The following AOPEP variants were observed in gnomAD, a reference collection of about 807,000 sequenced individuals.
AOPEP encodes the protein aminopeptidase O.
AOPEP carries 77 observed loss-of-function variants against 98.1 expected under a neutral mutation model. The observed-to-expected ratio is 0.78, with a 90% CI of 0.65 to 0.95. The LOEUF is 0.95. Among genes scored for constraint, AOPEP ranks in the 40% least tolerant of loss-of-function variants. AOPEP has a pLI of 0.00. For missense variants in AOPEP, 1,024 were observed against 1,024.7 expected, an observed-to-expected ratio of 1.00 and a Z score of 0.01; for synonymous variants, 346 against 365.3, an observed-to-expected ratio of 0.95 and a Z score of 0.60.
intron 1 of AOPEP, among the ~76,000 whole-genome samples, chr9:94,729,303 T>C (rs1397516819): frequency 4.6e-5 from 7 of 152,104 alleles, no homozygotes; most frequent in Admixed American, 2.6e-4. Context: ...CTGGGGGCAC[T>C]GTGGCTCACT....
chr9:94,875,482 A>AC (rs1001697200), intron 5 of AOPEP, among the ~76,000 whole-genome samples: 3 of 152,142 alleles, frequency 2.0e-5, no homozygotes, highest in African/African-American at 7.2e-5. Context: ...TACACAGAAA[A>AC]CAGAAGTAAG....
intron 12 of AOPEP, 24 bp downstream of exon 12, chr9:95,005,244 T>C (rs780279006): frequency 9.3e-7 from 1 of 1,071,334 alleles, no homozygotes; most frequent in South Asian, 4.4e-5. Flanking sequence ...GCGCGGTCCC[T>C]GCGCCCCGGT....
intron 7 of AOPEP, among the ~76,000 whole-genome samples, chr9:94,950,530 G>A (rs2058028126): frequency 6.6e-6 from 1 of 152,186 alleles, no homozygotes; most frequent in Admixed American, 6.5e-5. Context: ...GGGCTCAGAT[G>A]GGCACTGTTG....
intron 5 of AOPEP, among the ~76,000 whole-genome samples, chr9:94,813,873 C>A (rs1010363336): frequency 2.0e-5 from 3 of 152,184 alleles, no homozygotes; most frequent in Non-Finnish European, 4.4e-5. Flanking sequence ...ACTCGAGGGA[C>A]CTCCACCCTG....
chr9:94,861,224 T>C (rs891687731), intron 5 of AOPEP, among the ~76,000 whole-genome samples: 1 of 152,170 alleles, frequency 6.6e-6, no homozygotes, highest in African/African-American at 2.4e-5. Context: ...GGGAAGGATG[T>C]GGTTTGAGGG....
intron 13 of AOPEP, among the ~76,000 whole-genome samples, chr9:95,010,003 C>T (rs72621414): frequency 0.1 from 15,270 of 151,774 alleles, 872 homozygotes; most frequent in East Asian, 0.18. Context: ...CACTCTACTT[C>T]TATTTCATTT....
chr9:94,868,461 G>A (rs962136721), intron 5 of AOPEP, among the ~76,000 whole-genome samples: 3 of 152,196 alleles, frequency 2.0e-5, no homozygotes, highest in African/African-American at 7.2e-5. Flanking sequence ...AGGGTCCACT[G>A]GAATTCTTTG....
chr9:95,009,882 A>G lies in AOPEP; in HGVS notation c.2115+4266A>G, dbSNP rs577545332. Among the ~76,000 whole-genome samples the G allele has an allele frequency of 9.9e-4, 151 of 152,168 alleles. 1 individual carries two copies. Among genetic ancestry groups the G allele is most frequent in the Middle Eastern group, 3.4e-3 (1 of 292 alleles). On this transcript the variant is annotated intron_variant, in intron 13 of 16. Transcript: ENST00000375315. The stretch of plus-strand genomic sequence containing the variant: ...GAAAAGTATAGACTTTATAGTATCT[A>G]GTGGGCATTTTCATTGAGCCCAAAT...
the AOPEP span, chr9:95,101,955 T>C: frequency 5.5e-6 from 7 of 1,281,368 alleles, no homozygotes; most frequent in South Asian, 8.7e-5. Flanking sequence ...AGAAGCCCTA[T>C]CCAGCATTTC....
downstream of AOPEP, among the ~76,000 whole-genome samples, chr9:95,088,202 CTTTT>C (rs199845401): frequency 6.8e-6 from 1 of 148,088 alleles, no homozygotes; most frequent in Non-Finnish European, 1.5e-5. Context: ...GTGCTGCTGC[CTTTT>C]TTTTTTCCTT....
chr9:95,106,218 T>C, the AOPEP span, among the ~76,000 whole-genome samples: 7 of 152,202 alleles, frequency 4.6e-5, no homozygotes, highest in Non-Finnish European at 8.8e-5. Flanking sequence ...ATGCCCTTTC[T>C]GTGAGCATCT....
chr9:94,962,276 G>A (rs565616527), intron 9 of AOPEP, among the ~76,000 whole-genome samples: 5 of 152,084 alleles, frequency 3.3e-5, no homozygotes, highest in African/African-American at 7.2e-5. Flanking sequence ...TATTTCCCAC[G>A]TTTTACTCAT....
rs1272769632 is a variant in AOPEP, at chr9:95,005,573, C to T, written c.2072C>T (p.Pro691Leu). 3.1e-6 allele frequency: 5 copies of T among 1,613,874 alleles called. No homozygotes were observed. The highest frequency in any genetic ancestry group is 4.2e-6 in the Non-Finnish European group (5 of 1,179,922). ...VTKWIGVNRR[P>L]RKRKRREKEE... ...AAATGGATTGGAGTGAACCGGAGAC[C>T]CCGAAAACGGAAGCGCAGGGAGAAG... The change falls in exon 13 of 17, where the codon CCC (proline) becomes CTC (leucine). Residue 691 changes from proline (P) to leucine (L), a missense_variant. Around this residue, in one of 3 missense-constraint regions of AOPEP, gnomAD observed 566 missense variants for 551.7 expected, o/e 1.03. Transcript: ENST00000375315.
At chr9:94,745,090 A>G (rs1381653265) in intron 1 of AOPEP, among the ~76,000 whole-genome samples, 1 of 151,958 alleles carries the variant, frequency 6.6e-6, no homozygotes, top group Non-Finnish European at 1.5e-5. Context: ...TTCCAATCAT[A>G]CTCTCAGTTA....
chr9:94,736,119 T>A (rs1831706333), intron 1 of AOPEP, among the ~76,000 whole-genome samples: 1 of 152,178 alleles, frequency 6.6e-6, no homozygotes. Context: ...TAAAACAATA[T>A]TAACTATATC....
chr9:95,065,529 T>G (rs1266027715), intron 14 of AOPEP: 1 of 152,256 alleles, frequency 6.6e-6, no homozygotes, highest in South Asian at 2.1e-4. Context: ...ATCCAGGGCC[T>G]CATTACTAAG....
chr9:94,799,120 T>C (rs1303086817), intron 4 of AOPEP, among the ~76,000 whole-genome samples: 5 of 152,312 alleles, frequency 3.3e-5, no homozygotes, highest in South Asian at 2.1e-4. Context: ...CCTAGCCATA[T>C]TGGTCTCCTG....
chr9:94,809,616 C>G (rs958509184), intron 5 of AOPEP, among the ~76,000 whole-genome samples: 2 of 152,202 alleles, frequency 1.3e-5, no homozygotes, highest in Admixed American at 1.3e-4. Flanking sequence ...GTCCTGCCCT[C>G]TTGGGACTCA....
At chr9:95,005,003 C>G (rs1172069866) in intron 11 of AOPEP, 155 bp from the exon 12 acceptor site, 1 of 171,352 alleles carries the variant, frequency 5.8e-6, no homozygotes, top group African/African-American at 2.4e-5. Context: ...TGATGCGGAC[C>G]CCGGGCGGGC....
Sources: gnomAD v4.1 joint callset for allele counts (sites outside exome capture counted in the v4.1 genomes callset) on GRCh38, gnomAD v4.1.1 for gene constraint, gnomAD v4.1.1 regional missense constraint, MANE v1.5 for transcripts, NCBI Gene and HGNC (gene_info 2026-07-23, HGNC 2026-07-21) for gene names.